CDH13: variants seen among roughly 807,000 people sequenced by gnomAD.
The protein encoded by CDH13 is cadherin-13.
Under a neutral mutation model 63.8 loss-of-function variants are expected in CDH13, and 24 were observed. The ratio of observed to expected loss-of-function variants is 0.38; its 90% CI spans 0.27 to 0.53. The LOEUF is 0.53. CDH13 is among the 20% of genes least tolerant of loss of function. CDH13 has a pLI of 0.85. For missense variants in CDH13, 1,049 were observed against 903.1 expected (o/e 1.16, Z -2.07); for synonymous variants, 503 against 355.3 (o/e 1.42, Z -4.67).
At chr16:82,960,884 C>A (rs1157454609) in intron 2 of CDH13, among the ~76,000 whole-genome samples, 1 of 152,086 alleles carries the variant, frequency 6.6e-6, no homozygotes, top group Non-Finnish European at 1.5e-5. Flanking sequence ...GAATGCCATA[C>A]AAATCTTTTT....
At chr16:83,563,328 TG>T (rs1392430159) in intron 7 of CDH13, among the ~76,000 whole-genome samples, 1 of 152,238 alleles carries the variant, frequency 6.6e-6, no homozygotes, top group African/African-American at 2.4e-5. Context: ...GGAACCAGGA[TG>T]GACTCCTGAG....
chr16:83,016,501 C>A (rs1219085506), intron 2 of CDH13, among the ~76,000 whole-genome samples: 1 of 152,168 alleles, frequency 6.6e-6, no homozygotes, highest in Non-Finnish European at 1.5e-5. Flanking sequence ...TTCCAGATTA[C>A]CAAAGGGCAG....
At chr16:83,645,864 C>T (rs1298696533) in intron 8 of CDH13, among the ~76,000 whole-genome samples, 2 of 152,116 alleles carry the variant, frequency 1.3e-5, no homozygotes, top group Non-Finnish European at 2.9e-5. Context: ...CAAAAAGATC[C>T]TTCATCATAC....
chr16:82,942,915 G>T (rs1230763943), intron 2 of CDH13, among the ~76,000 whole-genome samples: 2 of 152,148 alleles, frequency 1.3e-5, no homozygotes, highest in Non-Finnish European at 2.9e-5. Flanking sequence ...CTCGTACTCA[G>T]TTCTGTTTAA....
At position 83,800,452 on chromosome 16, in the gene CDH13, T is replaced by C. The variant is rs1904314157; in HGVS notation, c.*5422T>C. 1 of 152,164 alleles carries C rather than the reference T, an allele frequency of 6.6e-6. No homozygotes were observed. Among genetic ancestry groups the C allele is most frequent in the Non-Finnish European group, 1.5e-5 (1 of 68,026 alleles). The allele number at this position is 152,164 out of a possible 1,614,324, so 9.4% of individuals were successfully genotyped here. A position where few individuals can be genotyped will look rare whatever the true frequency, so the allele number is the denominator to read the frequency against. ...AAATGCTTTTTATTCACACACACTT[T>C]TCAAAAGGGATAAAAGTTAATCATG... On this transcript the variant is annotated 3_prime_UTR_variant, in exon 14 of 14. Coordinates refer to ENST00000567109, the MANE Select transcript of CDH13 (RefSeq NM_001257.5).
chr16:83,542,988 A>G (rs1008307872), intron 7 of CDH13, among the ~76,000 whole-genome samples: 5 of 152,240 alleles, frequency 3.3e-5, no homozygotes, highest in African/African-American at 9.6e-5. Flanking sequence ...AGCAAGTGAT[A>G]CTGATGCTGC....
intron 11 of CDH13, among the ~76,000 whole-genome samples, chr16:83,764,992 A>G (rs566061476): frequency 1.3e-5 from 2 of 152,312 alleles, no homozygotes; most frequent in African/African-American, 4.8e-5. Context: ...TCCTCTCTAC[A>G]AGGTATTCTC....
At chr16:83,326,601 G>A (rs1317347522) in intron 5 of CDH13, among the ~76,000 whole-genome samples, 1 of 152,090 alleles carries the variant, frequency 6.6e-6, no homozygotes, top group African/African-American at 2.4e-5. Flanking sequence ...ACTTTGCCTG[G>A]TAGTGGCATG....
At chr16:82,662,109 A>G (rs892442585) in intron 1 of CDH13, among the ~76,000 whole-genome samples, 1 of 152,254 alleles carries the variant, frequency 6.6e-6, no homozygotes, top group African/African-American at 2.4e-5. Flanking sequence ...ATGTCCATAG[A>G]ATGGAGTATT....
chr16:83,392,321 CTG>C (rs2091804236), intron 6 of CDH13, among the ~76,000 whole-genome samples: 1 of 152,156 alleles, frequency 6.6e-6, no homozygotes, highest in South Asian at 2.1e-4. Context: ...GCCTCACGAG[CTG>C]TAAGTACTAA....
chr16:82,877,924 G>A (rs368328245), intron 2 of CDH13, among the ~76,000 whole-genome samples: 1 of 129,288 alleles, frequency 7.7e-6, no homozygotes, highest in African/African-American at 2.8e-5. Context: ...CATACACATA[G>A]ACACACACAC....
chr16:82,724,297 A>G (rs2032961028), intron 1 of CDH13, among the ~76,000 whole-genome samples: 2 of 152,066 alleles, frequency 1.3e-5, no homozygotes, highest in African/African-American at 4.8e-5. Context: ...CCATCCATCC[A>G]TCCATATATT....
At chr16:82,633,399 A>G (rs1908263172) in intron 1 of CDH13, among the ~76,000 whole-genome samples, 1 of 152,132 alleles carries the variant, frequency 6.6e-6, no homozygotes, top group African/African-American at 2.4e-5. Context: ...TTTTTCTTTG[A>G]GACGGAGTCT....
At chr16:83,014,743 A>AAAATAT (rs1429094653) in intron 2 of CDH13, among the ~76,000 whole-genome samples, 16 of 33,214 alleles carry the variant, frequency 4.8e-4, no homozygotes, top group Non-Finnish European at 4.3e-4. Context: ...AAAAAAAAAA[A>AAAATAT]ATATATATAT....
intron 1 of CDH13, among the ~76,000 whole-genome samples, chr16:82,736,823 C>G (rs1417649450): frequency 2.0e-5 from 3 of 152,194 alleles, no homozygotes; most frequent in African/African-American, 7.2e-5. Context: ...GAGAAGGACT[C>G]TTGATGGGGT....
intron 7 of CDH13, among the ~76,000 whole-genome samples, chr16:83,535,738 TTAAG>T (rs1257900353): frequency 6.6e-6 from 1 of 151,462 alleles, no homozygotes; most frequent in Non-Finnish European, 1.5e-5. Context: ...GTCATGAATA[TTAAG>T]TGAGTGAATG....
At chr16:82,904,469 C>T (rs185166785) in intron 2 of CDH13, among the ~76,000 whole-genome samples, 37 of 152,308 alleles carry the variant, frequency 2.4e-4, no homozygotes, top group African/African-American at 7.9e-4. Context: ...CCTTTGTCTT[C>T]TCACCCTTTG....
chr16:82,819,520 C>T (rs755060350), intron 1 of CDH13, among the ~76,000 whole-genome samples: 1 of 152,130 alleles, frequency 6.6e-6, no homozygotes, highest in African/African-American at 2.4e-5. Context: ...GGGAAGGAGA[C>T]TTCCCTAACT....
At chr16:83,503,069 GC>G (rs2074318980) in intron 7 of CDH13, among the ~76,000 whole-genome samples, 2 of 152,200 alleles carry the variant, frequency 1.3e-5, no homozygotes, top group African/African-American at 4.8e-5. Context: ...AGAGAGAGGG[GC>G]TCCTTGCCTC....
Sources: allele counts gnomAD v4.1 joint callset (sites outside exome capture counted in the v4.1 genomes callset), GRCh38; gene constraint gnomAD v4.1.1; transcripts MANE v1.5; gene names NCBI Gene and HGNC (gene_info 2026-07-23, HGNC 2026-07-21).